The following LRRC4B variants were observed in gnomAD, a reference collection of about 807,000 sequenced individuals.
The protein encoded by LRRC4B is leucine rich repeat containing 4B.
A neutral mutation model predicts 7.3 loss-of-function variants in LRRC4B; 1 was observed. The observed-to-expected ratio is 0.14, with a 90% CI of 0.05 to 0.65. The LOEUF is 0.65. Ranked by LOEUF, LRRC4B falls within the 30% of genes least tolerant of loss-of-function variation. The pLI, the probability that LRRC4B is intolerant of heterozygous loss-of-function variation, is 0.84. For synonymous variants in LRRC4B, 500 were observed against 499.2 expected, an observed-to-expected ratio of 1.00 and a Z score of -0.02; for missense variants, 730 against 1,041.6, an observed-to-expected ratio of 0.70 and a Z score of 4.12.
chr19:50,522,918 C>T (rs1025959953), intron 2 of LRRC4B, among the ~76,000 whole-genome samples: 2 of 152,312 alleles, frequency 1.3e-5, no homozygotes, highest in East Asian at 1.9e-4. Flanking sequence ...AATGTCAAAA[C>T]GCATCAGACC....
intron 2 of LRRC4B, among the ~76,000 whole-genome samples, chr19:50,530,940 G>T (rs1446902746): frequency 5.7e-5 from 8 of 140,496 alleles, no homozygotes; most frequent in African/African-American, 2.1e-4. Flanking sequence ...GGGGGGGGGG[G>T]TCTCTCTATG....
chr19:50,552,114 C>T (rs997281502), intron 1 of LRRC4B, among the ~76,000 whole-genome samples: 17 of 152,094 alleles, frequency 1.1e-4, no homozygotes, highest in African/African-American at 2.2e-4. Flanking sequence ...CGTGCCAAGC[C>T]GGAGCCTCAT....
chr19:50,534,238 G>A (rs1981170282), intron 2 of LRRC4B, among the ~76,000 whole-genome samples: 4 of 152,194 alleles, frequency 2.6e-5, no homozygotes. Context: ...ACAGATCGTG[G>A]AGGCTGCCCT....
Position 50,519,073 on chromosome 19 carries a change from G to C in LRRC4B, c.640C>G (p.Leu214Val), listed in dbSNP as rs1288604837. ...EGLVNLRYLNLGMCNLKDIPN... is the reference protein window; with the variant it reads ...EGLVNLRYLNVGMCNLKDIPN... ...ATGTCCTTGAGGTTGCACATGCCCA[G>C]GTTGAGGTAGCGCAGGTTGACCAGC... The change falls in exon 3 of 3, where the codon CTG becomes GTG. Residue 214 changes from leucine to valine, a missense_variant. By Grantham distance (32) the Leu-to-Val change is conservative (BLOSUM62 1). This residue lies in a region of LRRC4B where 226 missense variants were observed against 448.0 expected (regional missense o/e 0.50). Coordinates refer to ENST00000652263, the MANE Select transcript of LRRC4B (RefSeq NM_001080457.2). The surrounding 1 kb of genome is among the most constrained non-coding windows in gnomAD (Gnocchi z 8.1). The C allele has an allele frequency of 1.2e-6, 2 of 1,609,114 alleles. No individual in the cohort carries two copies. The highest frequency in any genetic ancestry group is 1.7e-6 in the Non-Finnish European group (2 of 1,179,922).
intron 2 of LRRC4B, among the ~76,000 whole-genome samples, chr19:50,532,958 G>T (rs539332490): frequency 1.3e-5 from 2 of 152,164 alleles, no homozygotes; most frequent in Non-Finnish European, 2.9e-5. Context: ...ACTTGGGAAC[G>T]GAAAAGCATT....
At position 50,555,158 on chromosome 19, in the gene LRRC4B, ACTC is replaced by A. The variant is rs1982228424; in HGVS notation, c.-35-6288_-35-6286del. On this transcript the variant is annotated intron_variant, in intron 1 of 2. Coordinates refer to ENST00000652263, the MANE Select transcript of LRRC4B (RefSeq NM_001080457.2). This position sits in a 1 kb window ranked among gnomAD's most constrained non-coding sequence, Gnocchi z 5.2. ...ATTACATGTGGGTGCCATGCTATCC[ACTC>A]CTCAAGCTGCTGGCTTCTCCCCACG... Among the ~76,000 whole-genome samples, 3 of 151,498 alleles carry A rather than the reference ACTC, an allele frequency of 2.0e-5. No individual in the cohort carries two copies. The highest frequency in any genetic ancestry group is 4.9e-5 in the African/African-American group (2 of 41,188).
rs1359045787 is a variant in LRRC4B at position 50,553,271 on chromosome 19, C to A, written c.-35-4398G>T. Among the ~76,000 whole-genome samples the A allele has an allele frequency of 1.3e-5, 2 of 152,152 alleles. No individual in the cohort carries two copies. Among genetic ancestry groups the A allele is most frequent in the African/African-American group, 4.8e-5 (2 of 41,442 alleles). On this transcript the variant is annotated intron_variant, in intron 1 of 2. Coordinates refer to ENST00000652263, the MANE Select transcript of LRRC4B (RefSeq NM_001080457.2). The surrounding 1 kb of genome is among the most constrained non-coding windows in gnomAD (Gnocchi z 4.2). ...GTTCCCCACGGGCAGCGAGGGGTAT[C>A]CTGTCAACACCCCATGGACCCTGCC... is the stretch of plus-strand genomic sequence containing the variant.
rs200047323 is a variant in LRRC4B, at chr19:50,518,727, G to A, written c.986C>T (p.Thr329Met). The A allele has an allele frequency of 2.4e-4, 394 of 1,613,974 alleles. No individual in the cohort carries two copies. Among genetic ancestry groups the A allele is most frequent in the Non-Finnish European group, 3.1e-4 (369 of 1,179,956 alleles). The change falls in exon 3 of 3, where the codon ACG becomes ATG. Residue 329 changes from threonine (T) to methionine (M), a missense_variant. Coordinates refer to ENST00000652263, the MANE Select transcript of LRRC4B (RefSeq NM_001080457.2). ...GCAGCACGTCGTGTTGCTGGGCACCGTCTCCTTGAGCCACCAGCTCAGCCA... is the reference window on the plus strand; with the variant it reads ...GCAGCACGTCGTGTTGCTGGGCACCATCTCCTTGAGCCACCAGCTCAGCCA... Reference protein sequence around the residue: ...VLWLSWWLKETVPSNTTCCAR... With the variant: ...VLWLSWWLKEMVPSNTTCCAR...
In LRRC4B at chr19:50,535,094, T is replaced by A. The variant is rs566802300; in HGVS notation, c.297+13448A>T. Among the ~76,000 whole-genome samples, 4 of 152,254 alleles carry A rather than the reference T, an allele frequency of 2.6e-5. No homozygotes were observed. The South Asian group carries it at 8.3e-4, about 32-fold the overall frequency. On this transcript the variant is annotated intron_variant, in intron 2 of 2. Transcript: ENST00000652263. The stretch of plus-strand genomic sequence containing the variant: ...TGTGTTAGCCAGGATGGTCTCGATC[T>A]CCTGACCTCATGATCTGCCCGCCTT...
chr19:50,545,066 C>T lies in LRRC4B; in HGVS notation c.297+3476G>A, dbSNP rs145314888. Among the ~76,000 whole-genome samples, 13 of 150,278 alleles carry T rather than the reference C, an allele frequency of 8.7e-5. No homozygotes were observed. The South Asian group carries it at 2.1e-3, about 24-fold the overall frequency. Reference sequence around the variant, plus strand: ...GGCGGAGCTTGCAGTGAGCCAAGATCGTACCACTGCACTCCAGCCTGGGCA... The same window carrying T: ...GGCGGAGCTTGCAGTGAGCCAAGATTGTACCACTGCACTCCAGCCTGGGCA... On this transcript the variant is annotated intron_variant, in intron 2 of 2. Transcript: ENST00000652263.
chr19:50,522,377 C>A, intron 2 of LRRC4B, among the ~76,000 whole-genome samples: 1 of 152,110 alleles, frequency 6.6e-6, no homozygotes, highest in South Asian at 2.1e-4. Flanking sequence ...AAGGCCCTAA[C>A]AATCAGATTT....
intron 2 of LRRC4B, among the ~76,000 whole-genome samples, chr19:50,546,436 A>C (rs942679001): frequency 6.6e-6 from 1 of 152,170 alleles, no homozygotes; most frequent in Non-Finnish European, 1.5e-5. Context: ...AGGGAGGCCA[A>C]GCCCACTGAC....
intron 1 of LRRC4B, among the ~76,000 whole-genome samples, chr19:50,567,344 C>G (rs1396876372): frequency 2.0e-5 from 3 of 151,746 alleles, no homozygotes; most frequent in Non-Finnish European, 4.4e-5. Flanking sequence ...GGGCTGAAGA[C>G]TGGGGAGGGG....
chr19:50,567,302 C>T (rs1982661159), intron 1 of LRRC4B, among the ~76,000 whole-genome samples: 1 of 151,688 alleles, frequency 6.6e-6, no homozygotes, highest in Non-Finnish European at 1.5e-5. Context: ...GAGCCGCCCA[C>T]CAGGAGAGGC....
At position 50,555,252 on chromosome 19, in the gene LRRC4B, A is replaced by C. The variant is rs1222778642; in HGVS notation, c.-35-6379T>G. 1 of 152,344 alleles carries C rather than the reference A, an allele frequency of 6.6e-6. No individual in the cohort carries two copies. Among genetic ancestry groups the C allele is most frequent in the Non-Finnish European group, 1.5e-5 (1 of 68,154 alleles). The allele number at this position is 152,344 out of a possible 1,614,324, so 9.4% of individuals were successfully genotyped here. The stretch of plus-strand genomic sequence containing the variant: ...ATTCAGAGGTGAGCGGCACTTGCCA[A>C]AGGTTACACAGCCCTCCAGCAGCAC... On this transcript the variant is annotated intron_variant, in intron 1 of 2. Transcript: ENST00000652263. The surrounding 1 kb of genome is among the most constrained non-coding windows in gnomAD (Gnocchi z 5.2).
chr19:50,518,226 T>C lies in LRRC4B; in HGVS notation c.1487A>G (p.Glu496Gly). 1 of 1,608,666 alleles carries C rather than the reference T, an allele frequency of 6.2e-7. No homozygotes were observed. The highest frequency in any genetic ancestry group is 8.5e-7 in the Non-Finnish European group (1 of 1,178,520). ...YFTTVTVETL[E>G]TQPGEEALQP... ...CAGGGCCTCCTCTCCGGGCTGCGTC[T>C]CCAGGGTCTCCACGGTCACCGTGGT... The change falls in exon 3 of 3, where the codon GAG becomes GGG. Residue 496 changes from glutamate (E) to glycine (G), a missense_variant. Around this residue, in one of 6 missense-constraint regions of LRRC4B, gnomAD observed 192 missense variants for 228.6 expected, o/e 0.84. Coordinates refer to ENST00000652263, the MANE Select transcript of LRRC4B (RefSeq NM_001080457.2).
Position 50,555,008 on chromosome 19 carries a change from C to T in LRRC4B, c.-35-6135G>A, listed in dbSNP as rs781127990. On this transcript the variant is annotated intron_variant, in intron 1 of 2. Transcript: ENST00000652263. The surrounding 1 kb of genome is among the most constrained non-coding windows in gnomAD (Gnocchi z 5.2). Reference sequence around the variant, plus strand: ...AACAGCCACCCTTCCTCAGCCCCTGCAGTCACCCGCACTGCACAGGATATC... The same window carrying T: ...AACAGCCACCCTTCCTCAGCCCCTGTAGTCACCCGCACTGCACAGGATATC... 2.6e-5 allele frequency among the ~76,000 whole-genome samples: 4 copies of T among 152,232 alleles called. No individual in the cohort carries two copies. Among genetic ancestry groups the T allele is most frequent in the Non-Finnish European group, 2.9e-5 (2 of 68,040 alleles).
rs747076961 is a variant in LRRC4B, at chr19:50,517,663, C to A, written c.2050G>T (p.Gly684Trp). 1.3e-6 allele frequency: 2 copies of A among 1,518,104 alleles called. No individual in the cohort carries two copies. The highest frequency in any genetic ancestry group is 1.8e-4 in the Middle Eastern group (1 of 5,456). The allele number at this position is 1,518,104 out of a possible 1,614,324, so 94.0% of individuals were successfully genotyped here. ...TTGAGGCCAGGCGGGCCTTTGCCCC[C>A]GCAGCCCCCGCCGCTGGGGTTGCTG... ...YSSNPSGGGC[G>W]GKGPPGLNSI... Residue 684 changes from glycine (G) to tryptophan (W), a missense_variant, in exon 3 of 3, where the codon GGG (glycine) becomes TGG (tryptophan). Physicochemically the swap from Gly to Trp is radical, Grantham distance 184. This residue lies in a region of LRRC4B where 160 missense variants were observed against 163.9 expected (regional missense o/e 0.98). Transcript: ENST00000652263. This position sits in a 1 kb window ranked among gnomAD's most constrained non-coding sequence, Gnocchi z 6.6.
chr19:50,527,734 CTCTT>C (rs1250240730), intron 2 of LRRC4B, among the ~76,000 whole-genome samples: 123 of 122,986 alleles, frequency 1.0e-3, no homozygotes, highest in African/African-American at 3.4e-3. Context: ...CCCTCTTTCT[CTCTT>C]TCTTTTCTTT....
Sources: gnomAD v4.1 joint callset for allele counts (sites outside exome capture counted in the v4.1 genomes callset) on GRCh38, gnomAD v4.1.1 for gene constraint, gnomAD v4.1.1 regional missense constraint, Gnocchi (gnomAD v3.1) non-coding constraint, MANE v1.5 for transcripts, NCBI Gene and HGNC (gene_info 2026-07-23, HGNC 2026-07-21) for gene names.